The following ADGRB3 variants were observed in gnomAD, a reference collection of about 807,000 sequenced individuals.
ADGRB3 encodes adhesion G protein-coupled receptor B3.
Under a neutral mutation model 193.4 loss-of-function variants are expected in ADGRB3, and 37 were observed. That is an observed-to-expected ratio of 0.19 (90% CI 0.15 to 0.25). ADGRB3 has a LOEUF of 0.25. ADGRB3 is among the 10% of genes least tolerant of loss of function. ADGRB3 has a pLI of 1.00. For missense variants in ADGRB3, 1,637 were observed against 1,852.9 expected, an observed-to-expected ratio of 0.88 and a Z score of 2.14; for synonymous variants, 690 against 644.2, an observed-to-expected ratio of 1.07 and a Z score of -1.08.
intron 3 of ADGRB3, among the ~76,000 whole-genome samples, chr6:68,692,159 T>C (rs1382396242): frequency 6.6e-6 from 1 of 151,872 alleles, no homozygotes. Flanking sequence ...TAATTTCAAA[T>C]GTATTCCCTA....
chr6:68,876,950 C>A (rs2037585), intron 3 of ADGRB3, among the ~76,000 whole-genome samples: 407 of 152,026 alleles, frequency 2.7e-3, no homozygotes, highest in Middle Eastern at 0.014. Flanking sequence ...AACTAGGGCT[C>A]AAGTGGCTAT....
intron 13 of ADGRB3, among the ~76,000 whole-genome samples, chr6:69,025,787 A>G (rs539526112): frequency 1.3e-5 from 2 of 152,348 alleles, no homozygotes; most frequent in South Asian, 4.1e-4. Flanking sequence ...ATGCAGCTGT[A>G]GAGTTCTTTG....
chr6:69,282,401 T>G (rs1194084690), intron 20 of ADGRB3, among the ~76,000 whole-genome samples: 2 of 152,146 alleles, frequency 1.3e-5, no homozygotes, highest in African/African-American at 4.8e-5. Flanking sequence ...AATATTTTTT[T>G]AAAAGAGAGA....
chr6:68,993,227 T>C (rs575162592), intron 10 of ADGRB3, among the ~76,000 whole-genome samples: 2 of 152,254 alleles, frequency 1.3e-5, no homozygotes, highest in South Asian at 4.1e-4. Context: ...CAATCTGGTT[T>C]TCAATCATGT....
chr6:69,079,205 AT>A (rs1724108247), intron 17 of ADGRB3, among the ~76,000 whole-genome samples: 1 of 152,028 alleles, frequency 6.6e-6, no homozygotes, highest in Admixed American at 6.6e-5. Context: ...TTAGAAACAT[AT>A]TTGTTTTGTT....
intron 20 of ADGRB3, among the ~76,000 whole-genome samples, chr6:69,291,516 A>G (rs917746539): frequency 6.6e-6 from 1 of 152,192 alleles, no homozygotes; most frequent in Non-Finnish European, 1.5e-5. Context: ...TAAGCTTTTC[A>G]TAATTATTAC....
chr6:68,737,003 A>ATAG (rs1328747821), intron 3 of ADGRB3, among the ~76,000 whole-genome samples: 1 of 152,108 alleles, frequency 6.6e-6, no homozygotes, highest in Admixed American at 6.6e-5. Context: ...ATTTTCCCAT[A>ATAG]TAGTAGCAAA....
intron 3 of ADGRB3, among the ~76,000 whole-genome samples, chr6:68,838,778 T>C (rs1198902761): frequency 6.6e-6 from 1 of 152,206 alleles, no homozygotes; most frequent in Non-Finnish European, 1.5e-5. Context: ...TCAGCTAAAT[T>C]CAAGTGTTGT....
Position 68,687,174 on chromosome 6 carries a change from A to AT in ADGRB3, c.757+47742_757+47743insT, listed in dbSNP as rs556987359. 3.2e-3 allele frequency among the ~76,000 whole-genome samples: 481 copies of AT among 152,132 alleles called. 4 individuals carry two copies. Among genetic ancestry groups the AT allele is most frequent in the African/African-American group, 0.011 (470 of 41,540 alleles). ...GTGGTAGAATTTCTAACAAAGCCTA[A>AT]ATATATTTTTAAAGTTCCTAAATAT... On this transcript the variant is annotated intron_variant, in intron 3 of 31. Transcript: ENST00000370598.
chr6:68,902,809 AGACTAAAAG>A (rs1281196722), intron 3 of ADGRB3, among the ~76,000 whole-genome samples: 1 of 152,176 alleles, frequency 6.6e-6, no homozygotes, highest in East Asian at 1.9e-4. Flanking sequence ...ATGACTGAGT[AGACTAAAAG>A]GACTAGACAC....
At chr6:69,333,128 T>C (rs1768762864) in intron 24 of ADGRB3, 120 bp downstream of exon 24, 3 of 1,076,894 alleles carry the variant, frequency 2.8e-6, no homozygotes, top group Admixed American at 2.9e-5. Context: ...TACTAGTGTG[T>C]CCAGTAGATT....
chr6:68,817,541 T>A (rs1016465833), intron 3 of ADGRB3, among the ~76,000 whole-genome samples: 1 of 151,612 alleles, frequency 6.6e-6, no homozygotes, highest in African/African-American at 2.4e-5. Context: ...GCTAAAATAG[T>A]ACTTTTCAGT....
intron 3 of ADGRB3, among the ~76,000 whole-genome samples, chr6:68,839,249 A>G (rs1768104247): frequency 6.6e-6 from 1 of 152,132 alleles, no homozygotes; most frequent in Admixed American, 6.6e-5. Flanking sequence ...AACAACATCT[A>G]GCTTCTCACA....
At chr6:69,123,986 C>T (rs1773787039) in intron 17 of ADGRB3, among the ~76,000 whole-genome samples, 1 of 152,120 alleles carries the variant, frequency 6.6e-6, no homozygotes, top group East Asian at 1.9e-4. Flanking sequence ...TACATTTTCA[C>T]TTAATTAATA....
intron 18 of ADGRB3, among the ~76,000 whole-genome samples, chr6:69,234,786 T>G (rs1321591991): frequency 6.6e-6 from 1 of 152,102 alleles, no homozygotes; most frequent in Non-Finnish European, 1.5e-5. Flanking sequence ...GGATGTAATA[T>G]TCCATAGCCC....
At position 68,771,601 on chromosome 6, in the gene ADGRB3, G is replaced by T. The variant is rs148112175; in HGVS notation, c.757+132169G>T. ...TAAATACTGACAATACAGCAGTAAT[G>T]AAACAAAGTCCCAGTGCTCAGTGAG... On this transcript the variant is annotated intron_variant, in intron 3 of 31. Coordinates refer to ENST00000370598, the MANE Select transcript of ADGRB3 (RefSeq NM_001704.3). Among the ~76,000 whole-genome samples the T allele has an allele frequency of 1.9e-3, 286 of 152,182 alleles. 3 individuals are homozygous for T. Among genetic ancestry groups the T allele is most frequent in the African/African-American group, 6.5e-3 (269 of 41,518 alleles).
At chr6:68,922,146 G>GT (rs1474527994) in intron 3 of ADGRB3, among the ~76,000 whole-genome samples, 3 of 151,384 alleles carry the variant, frequency 2.0e-5, no homozygotes, top group Admixed American at 6.6e-5. Flanking sequence ...TAACAATAAT[G>GT]TTTTTCTATG....
intron 16 of ADGRB3, among the ~76,000 whole-genome samples, chr6:69,068,159 T>G (rs1771963752): frequency 6.6e-6 from 1 of 152,172 alleles, no homozygotes. Context: ...ATACGCAGAA[T>G]AGTGACTCCT....
At chr6:68,806,821 C>A (rs1378859317) in intron 3 of ADGRB3, among the ~76,000 whole-genome samples, 1 of 151,874 alleles carries the variant, frequency 6.6e-6, no homozygotes, top group Non-Finnish European at 1.5e-5. Context: ...TAGAGTAGTT[C>A]CTATACTCAA....
Sources: allele counts gnomAD v4.1 joint callset (sites outside exome capture counted in the v4.1 genomes callset), GRCh38; gene constraint gnomAD v4.1.1; transcripts MANE v1.5; gene names NCBI Gene and HGNC (gene_info 2026-07-23, HGNC 2026-07-21).